EFEMP1: variants seen among roughly 807,000 people sequenced by gnomAD.
EFEMP1 encodes EGF-like fibulin extracellular matrix protein 1, also known as EGF-containing fibulin-like extracellular matrix protein 1.
EFEMP1 carries 18 observed loss-of-function variants against 65.7 expected under a neutral mutation model. That is an observed-to-expected ratio of 0.27 (90% confidence interval 0.19 to 0.41). EFEMP1 has a LOEUF of 0.41. Among genes scored for constraint, EFEMP1 ranks in the 10% least tolerant of loss-of-function variants. The pLI is 1.00. For synonymous variants in EFEMP1, 237 were observed against 219.7 expected, an observed-to-expected ratio of 1.08 and a Z score of -0.70; for missense variants, 469 against 624.8, an observed-to-expected ratio of 0.75 and a Z score of 2.66.
chr2:55,875,794 A>T (rs930451040), intron 8 of EFEMP1, among the ~76,000 whole-genome samples: 1 of 152,036 alleles, frequency 6.6e-6, no homozygotes, highest in Non-Finnish European at 1.5e-5. Flanking sequence ...GCAGGATCTG[A>T]CTTTCAGGGG....
rs1668640091 is a variant in EFEMP1 at position 55,867,771 on chromosome 2, G to A, written c.1321-537C>T. ...AAAAGGAAGAGCCCTGAAGCACTGA[G>A]GGAAAGCTTTTGAATGCCTGATGAG... On this transcript the variant is annotated intron_variant, in intron 11 of 11. Coordinates refer to ENST00000355426, the MANE Select transcript of EFEMP1 (RefSeq NM_001039348.3). The surrounding 1 kb of genome is among the most constrained non-coding windows in gnomAD (Gnocchi z 4.3). Among the ~76,000 whole-genome samples, 1 of 152,132 alleles carries A rather than the reference G, an allele frequency of 6.6e-6. No homozygotes were observed. The highest frequency in any genetic ancestry group is 1.9e-4 in the East Asian group (1 of 5,192).
chr2:55,893,309 A>G (rs928782214), intron 5 of EFEMP1, among the ~76,000 whole-genome samples: 1 of 152,106 alleles, frequency 6.6e-6, no homozygotes, highest in Admixed American at 6.5e-5. Context: ...TTTATATATA[A>G]TTTATTATAC....
In EFEMP1 at chr2:55,922,729, A is replaced by G; in HGVS notation, c.-8+170T>C. 2.2e-6 allele frequency: 1 copy of G among 459,626 alleles called. No individual in the cohort carries two copies. Among genetic ancestry groups the G allele is most frequent in the African/African-American group, 2.0e-5 (1 of 49,278 alleles). The allele number at this position is 459,626 out of a possible 1,614,324, so 28.5% of individuals were successfully genotyped here. On this transcript the variant is annotated intron_variant, in intron 2 of 11. Coordinates refer to ENST00000355426, the MANE Select transcript of EFEMP1 (RefSeq NM_001039348.3). The surrounding 1 kb of genome is among the most constrained non-coding windows in gnomAD (Gnocchi z 5.5). ...AAAAGACATTCAGCGTGCATTTTATACTGCACCTACAAAGCAGGCTGCAGA... is the reference window on the plus strand; with the variant it reads ...AAAAGACATTCAGCGTGCATTTTATGCTGCACCTACAAAGCAGGCTGCAGA...
intron 5 of EFEMP1, among the ~76,000 whole-genome samples, chr2:55,899,894 A>G (rs1415076056): frequency 1.3e-5 from 2 of 152,106 alleles, no homozygotes; most frequent in African/African-American, 2.4e-5. Flanking sequence ...TCTGGGGGGG[A>G]AGTCATTGCT....
At chr2:55,894,548 T>C (rs1188081332) in intron 5 of EFEMP1, among the ~76,000 whole-genome samples, 1 of 152,232 alleles carries the variant, frequency 6.6e-6, no homozygotes, top group African/African-American at 2.4e-5. Flanking sequence ...TCTACACCAC[T>C]TGTATTTAAT....
intron 5 of EFEMP1, among the ~76,000 whole-genome samples, chr2:55,882,079 A>C (rs2104392895): frequency 6.6e-6 from 1 of 152,174 alleles, no homozygotes; most frequent in African/African-American, 2.4e-5. Context: ...TCCTTCCCTG[A>C]GATGTTTTTG....
chr2:55,889,717 G>C (rs1400451885), intron 5 of EFEMP1, among the ~76,000 whole-genome samples: 4 of 151,824 alleles, frequency 2.6e-5, no homozygotes, highest in African/African-American at 9.7e-5. Flanking sequence ...AATATTTTAA[G>C]GTCCTTGAAT....
At chr2:55,876,320 A>G (rs1669033978) in intron 8 of EFEMP1, among the ~76,000 whole-genome samples, 1 of 152,082 alleles carries the variant, frequency 6.6e-6, no homozygotes, top group Non-Finnish European at 1.5e-5. Flanking sequence ...CATTTCTCAT[A>G]AGCTCCCAGG....
In EFEMP1 at chr2:55,922,865, C is replaced by T; in HGVS notation, c.-8+34G>A. The T allele has an allele frequency of 8.7e-7, 1 of 1,155,382 alleles. No homozygotes were observed. Among genetic ancestry groups the T allele is most frequent in the South Asian group, 1.9e-5 (1 of 52,890 alleles). 71.6% of individuals were successfully genotyped at this position (1,155,382 alleles called of 1,614,324 possible). A position where few individuals can be genotyped will look rare whatever the true frequency, so the allele number is the denominator to read the frequency against. On this transcript the variant is annotated intron_variant, in intron 2 of 11. Coordinates refer to ENST00000355426, the MANE Select transcript of EFEMP1 (RefSeq NM_001039348.3). The surrounding 1 kb of genome is among the most constrained non-coding windows in gnomAD (Gnocchi z 5.5). ...GGAGGTGGGGCTGCAAAACTCTGTT[C>T]TCTAGAACGTTAAGGCTTTCCCAGT...
Position 55,870,720 on chromosome 2 carries a change from T to C in EFEMP1, c.1320A>G (p.Arg440=), listed in dbSNP as rs777439665. 2.5e-6 allele frequency: 4 copies of C among 1,613,574 alleles called. No homozygotes were observed. The highest frequency in any genetic ancestry group is 3.4e-6 in the Non-Finnish European group (4 of 1,179,616). The change falls in exon 11 of 12, where the codon CGA becomes CGG. Residue 440 remains arginine (R), a splice_region_variant and synonymous_variant. Transcript: ENST00000355426. The surrounding 1 kb of genome is among the most constrained non-coding windows in gnomAD (Gnocchi z 5.8). ...SGNENGEFYL[R]QTSPVSAMLV... is the part of the protein sequence containing the mutation. ...TTAAGGCTGCCTTCAGGATACTTAC[T>C]CGTAGGTAGAACTCTCCATTTTCAT...
At chr2:55,892,844 C>A (rs1381222939) in intron 5 of EFEMP1, among the ~76,000 whole-genome samples, 2 of 152,050 alleles carry the variant, frequency 1.3e-5, no homozygotes, top group South Asian at 2.1e-4. Context: ...ATGAAAAAAA[C>A]CAAACTCTAC....
At chr2:55,892,791 A>T (rs547582128) in intron 5 of EFEMP1, among the ~76,000 whole-genome samples, 8 of 152,144 alleles carry the variant, frequency 5.3e-5, no homozygotes, top group Non-Finnish European at 1.0e-4. Context: ...TTGATGCCAA[A>T]CTAAGTCAAT....
At chr2:55,891,530 T>C (rs2104408651) in intron 5 of EFEMP1, among the ~76,000 whole-genome samples, 1 of 152,198 alleles carries the variant, frequency 6.6e-6, no homozygotes, top group South Asian at 2.1e-4. Flanking sequence ...ATCTATACTT[T>C]CTCTCATTTG....
At chr2:55,908,670 A>G (rs991091989) in intron 5 of EFEMP1, among the ~76,000 whole-genome samples, 5 of 152,184 alleles carry the variant, frequency 3.3e-5, no homozygotes, top group African/African-American at 1.2e-4. Flanking sequence ...ACATATATCA[A>G]AACATCACAT....
chr2:55,912,163 T>C (rs1213835764), intron 5 of EFEMP1, among the ~76,000 whole-genome samples: 1 of 152,178 alleles, frequency 6.6e-6, no homozygotes, highest in Non-Finnish European at 1.5e-5. Flanking sequence ...TTTTTAAGGT[T>C]AACATCATAA....
In EFEMP1 at chr2:55,919,981, C is replaced by T. The variant is rs1670858194; in HGVS notation, c.82-1714G>A. On this transcript the variant is annotated intron_variant, in intron 3 of 11. Coordinates refer to ENST00000355426, the MANE Select transcript of EFEMP1 (RefSeq NM_001039348.3). This position sits in a 1 kb window ranked among gnomAD's most constrained non-coding sequence, Gnocchi z 4.5. ...CATCTCTACATGCTGCATACAGACCCCATGATCTTTCTTGTGCTCTTGGTT... is the reference window on the plus strand; with the variant it reads ...CATCTCTACATGCTGCATACAGACCTCATGATCTTTCTTGTGCTCTTGGTT... 6.6e-6 allele frequency among the ~76,000 whole-genome samples: 1 copy of T among 152,204 alleles called. No individual in the cohort carries two copies. The highest frequency in any genetic ancestry group is 2.4e-5 in the African/African-American group (1 of 41,452).
intron 9 of EFEMP1, 117 bp downstream of exon 9, chr2:55,874,829 T>C: frequency 8.8e-7 from 1 of 1,140,000 alleles, no homozygotes; most frequent in Non-Finnish European, 1.2e-6. Flanking sequence ...AAAAAGAGCT[T>C]AAATTGTATA....
At chr2:55,876,271 T>C (rs1669032274) in intron 8 of EFEMP1, among the ~76,000 whole-genome samples, 1 of 152,088 alleles carries the variant, frequency 6.6e-6, no homozygotes, top group Non-Finnish European at 1.5e-5. Flanking sequence ...TGAATGTAGA[T>C]TCAGACTCAG....
chr2:55,912,395 T>C, intron 5 of EFEMP1, among the ~76,000 whole-genome samples: 1 of 152,226 alleles, frequency 6.6e-6, no homozygotes. Flanking sequence ...TTGGTTACAC[T>C]ATGATTTTCT....
Sources: allele counts gnomAD v4.1 joint callset (sites outside exome capture counted in the v4.1 genomes callset), GRCh38; gene constraint gnomAD v4.1.1; non-coding constraint Gnocchi (gnomAD v3.1); transcripts MANE v1.5; gene names NCBI Gene and HGNC (gene_info 2026-07-23, HGNC 2026-07-21).